Variants in RAD52 observed in about 807,000 individuals in gnomAD.
RAD52 encodes the protein DNA repair protein RAD52 homolog.
Under a neutral mutation model 55.5 loss-of-function variants are expected in RAD52, and 47 were observed. The ratio of observed to expected loss-of-function variants is 0.85; its 90% CI spans 0.67 to 1.08. The LOEUF is 1.08. Among genes scored for constraint, RAD52 ranks in the 50% least tolerant of loss-of-function variants. The probability of loss-of-function intolerance (pLI) is 0.00; values close to 1 mark genes in which losing one functional copy is unlikely to be tolerated. For synonymous variants in RAD52, 184 were observed against 198.9 expected, an observed-to-expected ratio of 0.92 and a Z score of 0.63; for missense variants, 468 against 522.8, an observed-to-expected ratio of 0.90 and a Z score of 1.02.
At chr12:964,124 C>T (rs1459357793) in intron 1 of RAD52, among the ~76,000 whole-genome samples, 5 of 152,066 alleles carry the variant, frequency 3.3e-5, no homozygotes, top group African/African-American at 7.2e-5. Context: ...TCAGACAAGG[C>T]ATTTAGGCGA....
intron 5 of RAD52, among the ~76,000 whole-genome samples, 198 bp from the exon 6 acceptor site, chr12:927,461 G>C (rs865902448): frequency 6.6e-6 from 1 of 152,052 alleles, no homozygotes; most frequent in South Asian, 2.1e-4. Context: ...ATGTGCCTGC[G>C]GTCAAGGTGT....
At chr12:969,422 AAT>A (rs1958811578) in intron 1 of RAD52, among the ~76,000 whole-genome samples, 1 of 152,054 alleles carries the variant, frequency 6.6e-6, no homozygotes, top group African/African-American at 2.4e-5. Context: ...AATTATATGA[AAT>A]AGACATTTTA....
chr12:920,725 A>T (rs941974737), intron 7 of RAD52, among the ~76,000 whole-genome samples: 1 of 152,222 alleles, frequency 6.6e-6, no homozygotes, highest in Admixed American at 6.5e-5. Context: ...TCAACTTTCA[A>T]TAATAGATAA....
At chr12:982,684 G>C (rs1261980376) in intron 1 of RAD52, among the ~76,000 whole-genome samples, 2 of 148,134 alleles carry the variant, frequency 1.4e-5, no homozygotes, top group African/African-American at 2.5e-5. Flanking sequence ...TTTGGCGGGG[G>C]GGACAGGGTC....
intron 7 of RAD52, among the ~76,000 whole-genome samples, chr12:922,572 C>T (rs892257369): frequency 5.3e-5 from 8 of 152,168 alleles, no homozygotes; most frequent in African/African-American, 1.9e-4. Flanking sequence ...ATACACACTA[C>T]TACATGGATG....
intron 1 of RAD52, among the ~76,000 whole-genome samples, chr12:977,916 G>A (rs564397511): frequency 6.6e-6 from 1 of 152,034 alleles, no homozygotes; most frequent in South Asian, 2.1e-4. Context: ...GCAAAGAAAT[G>A]CAAAACCTAT....
At chr12:956,045 T>G (rs1046253809) in intron 1 of RAD52, among the ~76,000 whole-genome samples, 9 of 152,238 alleles carry the variant, frequency 5.9e-5, no homozygotes, top group African/African-American at 1.9e-4. Context: ...CTAAGTTCAT[T>G]GTAGCAATTT....
rs575046978 is a variant in RAD52 at position 949,183 on chromosome 12, C to A, written c.-19+419G>T. On this transcript the variant is annotated intron_variant, in intron 1 of 11. Transcript: ENST00000358495. ...AACATGGGGGCATGCCGCCACCATG[C>A]CCGGCGTCAAATTCCTTTTAAATCA... 1.7e-3 allele frequency among the ~76,000 whole-genome samples: 259 copies of A among 152,280 alleles called. 2 individuals are homozygous for A. Among genetic ancestry groups the A allele is most frequent in the Middle Eastern group, 3.4e-3 (1 of 294 alleles).
At chr12:959,909 C>T (rs1027249093) in intron 1 of RAD52, among the ~76,000 whole-genome samples, 4 of 152,048 alleles carry the variant, frequency 2.6e-5, no homozygotes, top group African/African-American at 9.7e-5. Flanking sequence ...GCTGTTTCAG[C>T]CTGATGTTCT....
intron 10 of RAD52, 67 bp downstream of exon 10, chr12:914,364 T>C (rs988390273): frequency 3.5e-5 from 56 of 1,591,548 alleles, no homozygotes; most frequent in Non-Finnish European, 5.1e-6. Flanking sequence ...TTATGTCGCC[T>C]AAAAGGTATT....
At chr12:926,131 T>A (rs1957021446) in intron 6 of RAD52, among the ~76,000 whole-genome samples, 1 of 152,082 alleles carries the variant, frequency 6.6e-6, no homozygotes, top group Non-Finnish European at 1.5e-5. Flanking sequence ...GGATTCCTCA[T>A]AAACAGCTTA....
intron 1 of RAD52, among the ~76,000 whole-genome samples, chr12:957,338 C>T (rs1958620505): frequency 6.6e-6 from 1 of 151,778 alleles, no homozygotes; most frequent in South Asian, 2.1e-4. Context: ...TGGTGGGCGC[C>T]TGTAATCCCA....
chr12:920,493 C>G (rs1367859630), intron 7 of RAD52, among the ~76,000 whole-genome samples: 4 of 150,432 alleles, frequency 2.7e-5, no homozygotes, highest in Non-Finnish European at 4.4e-5. Context: ...GGAGGCAGAG[C>G]CTGCAGTGAG....
rs1469655002 is a variant in RAD52, at chr12:929,891, G to A, written c.281-5C>T. 8.7e-6 allele frequency: 14 copies of A among 1,612,716 alleles called. No homozygotes were observed. Among genetic ancestry groups the A allele is most frequent in the Non-Finnish European group, 1.2e-5 (14 of 1,178,762 alleles). On this transcript the variant is annotated splice_region_variant and splice_polypyrimidine_tract_variant and intron_variant, in intron 4 of 11. Transcript: ENST00000358495. The stretch of plus-strand genomic sequence containing the variant: ...CATTGTTGAGGTCAACAAAATCTAG[G>A]AGTGGGAAAGAGAGCAAGTTGAAGA...
intron 6 of RAD52, 169 bp downstream of exon 6, chr12:926,976 C>G: frequency 6.4e-7 from 1 of 1,564,352 alleles, no homozygotes; most frequent in Non-Finnish European, 8.6e-7. Context: ...AAAATACTAA[C>G]GAAAGTGGGA....
chr12:980,543 C>G (rs1959000324), intron 1 of RAD52, among the ~76,000 whole-genome samples: 1 of 151,674 alleles, frequency 6.6e-6, no homozygotes, highest in Admixed American at 6.6e-5. Context: ...ATCCGCCTGT[C>G]TCAGCCTCCC....
intron 1 of RAD52, among the ~76,000 whole-genome samples, chr12:969,184 A>G (rs899039285): frequency 4.6e-5 from 7 of 152,060 alleles, no homozygotes; most frequent in Non-Finnish European, 7.3e-5. Context: ...GCCATTTCAT[A>G]TCAGCAACTG....
intron 7 of RAD52, among the ~76,000 whole-genome samples, chr12:922,761 G>A (rs1956806479): frequency 6.6e-6 from 1 of 152,126 alleles, no homozygotes; most frequent in Non-Finnish European, 1.5e-5. Context: ...CTTGTAGCCA[G>A]GAGTTTGAGA....
chr12:963,421 G>A (rs1354085962), intron 1 of RAD52, among the ~76,000 whole-genome samples: 2 of 152,152 alleles, frequency 1.3e-5, no homozygotes, highest in Non-Finnish European at 2.9e-5. Flanking sequence ...AGGAGACAGA[G>A]ACATGATAGA....
Sources: allele counts gnomAD v4.1 joint callset (sites outside exome capture counted in the v4.1 genomes callset), GRCh38; gene constraint gnomAD v4.1.1; transcripts MANE v1.5; gene names NCBI Gene and HGNC (gene_info 2026-07-23, HGNC 2026-07-21).